The following CDH23 variants were observed in gnomAD, a reference collection of about 807,000 sequenced individuals.
CDH23 encodes cadherin-23.
A neutral mutation model predicts 317.1 loss-of-function variants in CDH23; 189 were observed. The ratio of observed to expected loss-of-function variants is 0.60; its 90% confidence interval spans 0.53 to 0.67. The LOEUF (loss-of-function observed/expected upper bound fraction) is 0.67. Among genes scored for constraint, CDH23 ranks in the 30% least tolerant of loss-of-function variants. The pLI is 0.00. For missense variants in CDH23, 4,401 were observed against 4,592.4 expected (o/e 0.96, Z 1.20); for synonymous variants, 1,839 against 1,876.8 (o/e 0.98, Z 0.52).
intron 11 of CDH23, among the ~76,000 whole-genome samples, chr10:71,622,690 G>A (rs1427319701): frequency 6.6e-6 from 1 of 152,216 alleles, no homozygotes; most frequent in Non-Finnish European, 1.5e-5. Flanking sequence ...AATACCATTT[G>A]CGGATGTCCT....
rs1328633540 is a variant in CDH23 at position 71,799,626 on chromosome 10, C to T, written c.7359C>T (p.Thr2453=). The part of the protein sequence containing the change: ...DGESKFAINP[T]TGDIYVLSSL... ...AGAGCAAGTTTGCCATCAACCCCAC[C>T]ACGGTGAGCAGTGATGGAGGGCCTG... Residue 2453 remains threonine, a synonymous_variant, in exon 52 of 70, where the codon ACC becomes ACT. Coordinates refer to ENST00000224721, the MANE Select transcript of CDH23 (RefSeq NM_022124.6). The T allele has an allele frequency of 1.2e-6, 2 of 1,614,060 alleles. No homozygotes were observed. Among genetic ancestry groups the T allele is most frequent in the Admixed American group, 1.7e-5 (1 of 60,028 alleles).
chr10:71,585,245 C>T (rs775512397), intron 9 of CDH23, among the ~76,000 whole-genome samples: 2 of 152,150 alleles, frequency 1.3e-5, no homozygotes, highest in Non-Finnish European at 2.9e-5. Flanking sequence ...GTCTAGGTTT[C>T]TCGGATCATG....
At chr10:71,732,864 T>C (rs7082137) in intron 32 of CDH23, 127,710 of 245,282 alleles carry the variant, frequency 0.52, 36,162 homozygotes, top group Non-Finnish European at 0.6. Flanking sequence ...CTGGGAATCC[T>C]ATAGTTTGAT....
intron 44 of CDH23, among the ~76,000 whole-genome samples, chr10:71,786,551 G>A (rs1836554852): frequency 6.8e-6 from 1 of 146,296 alleles, no homozygotes; most frequent in African/African-American, 2.6e-5. Context: ...GTGTGCAGTG[G>A]TGCAATCGTG....
In CDH23 at chr10:71,693,389, G is replaced by GGCGAAC. The variant is rs1488004451; in HGVS notation, c.2177-757_2177-752dup. Among the ~76,000 whole-genome samples, 7 of 152,162 alleles carry GGCGAAC rather than the reference G, an allele frequency of 4.6e-5. No individual in the cohort carries two copies. In the South Asian group the frequency reaches 1.0e-3, roughly 23 times the overall value. On this transcript the variant is annotated intron_variant, in intron 20 of 69. Coordinates refer to ENST00000224721, the MANE Select transcript of CDH23 (RefSeq NM_022124.6). Reference sequence around the variant, plus strand: ...AAAATACAAAGAAAGACCAAATACAGGCGAACAAGAAATGTTGTTTAATTG... The same window carrying GGCGAAC: ...AAAATACAAAGAAAGACCAAATACAGGCGAACGCGAACAAGAAATGTTGTTTAATTG...
intron 28 of CDH23, among the ~76,000 whole-genome samples, chr10:71,719,291 G>T (rs762853495): frequency 1.3e-4 from 20 of 152,132 alleles, no homozygotes; most frequent in Non-Finnish European, 2.6e-4. Flanking sequence ...CCGGACCAAG[G>T]CCAGGAATCA....
chr10:71,462,267 T>G (rs952293292), intron 3 of CDH23, among the ~76,000 whole-genome samples: 1 of 152,232 alleles, frequency 6.6e-6, no homozygotes, highest in Non-Finnish European at 1.5e-5. Context: ...GGTGCAGCAG[T>G]GGACATAATT....
At chr10:71,569,861 T>C (rs1857660906) in intron 7 of CDH23, among the ~76,000 whole-genome samples, 1 of 152,022 alleles carries the variant, frequency 6.6e-6, no homozygotes, top group East Asian at 1.9e-4. Context: ...GAAGATAGAT[T>C]TGGAGTTTTC....
Position 71,520,648 on chromosome 10 carries a change from CA to C in CDH23, c.429+9439del, listed in dbSNP as rs1854618967. On this transcript the variant is annotated intron_variant, in intron 6 of 69. Transcript: ENST00000224721. ...GGGTGCTCCCCTCTGGGCAGCTCCC[CA>C]AACCCCATGAGCAGTAGGCCCGGAC... Among the ~76,000 whole-genome samples the C allele has an allele frequency of 3.3e-5, 5 of 152,262 alleles. 1 individual carries two copies. Among genetic ancestry groups the C allele is most frequent in the Admixed American group, 3.3e-4 (5 of 15,288 alleles).
At chr10:71,403,399 C>CTT (rs1405096526) in intron 1 of CDH23, among the ~76,000 whole-genome samples, 1 of 88,610 alleles carries the variant, frequency 1.1e-5, no homozygotes, top group Non-Finnish European at 2.1e-5. Flanking sequence ...TTCTTTCTTT[C>CTT]TTTCTTTCTC....
At chr10:71,615,450 C>A in intron 9 of CDH23, 54 bp from the exon 10 acceptor site, 1 of 1,148,196 alleles carries the variant, frequency 8.7e-7, no homozygotes, top group Non-Finnish European at 1.3e-6. Flanking sequence ...GCCCCCAGCT[C>A]CATGCCCCCC....
intron 14 of CDH23, among the ~76,000 whole-genome samples, chr10:71,667,841 G>A (rs1347682610): frequency 6.6e-6 from 1 of 152,132 alleles, no homozygotes; most frequent in East Asian, 1.9e-4. Context: ...AGCACCAGAG[G>A]GCCGGGAGCT....
intron 6 of CDH23, among the ~76,000 whole-genome samples, chr10:71,534,187 C>T (rs912805290): frequency 1.8e-4 from 27 of 152,260 alleles, no homozygotes; most frequent in Non-Finnish European, 3.7e-4. Context: ...CAGCATATTT[C>T]CAGCCCACCC....
chr10:71,627,616 C>A (rs1044663462), intron 11 of CDH23, among the ~76,000 whole-genome samples: 1 of 152,296 alleles, frequency 6.6e-6, no homozygotes, highest in Middle Eastern at 3.4e-3. Context: ...TACCAGTGCC[C>A]ACCCCTCACC....
chr10:71,456,298 C>T (rs1850691922), intron 3 of CDH23, among the ~76,000 whole-genome samples: 1 of 151,594 alleles, frequency 6.6e-6, no homozygotes, highest in African/African-American at 2.4e-5. Flanking sequence ...TTTTCTCTCC[C>T]TTCTAGGAGT....
At position 71,810,602 on chromosome 10, in the gene CDH23, T is replaced by A. The variant is rs774888997; in HGVS notation, c.9077+33T>A. On this transcript the variant is annotated intron_variant, in intron 62 of 69. Transcript: ENST00000224721. The stretch of plus-strand genomic sequence containing the variant: ...GGGGCCTGTGTTTGGACTGTCAGCC[T>A]GTCTGTCTGCCTGCCTCCCTGCCCT... The A allele has an allele frequency of 2.3e-5, 37 of 1,598,738 alleles. No individual in the cohort carries two copies. In the South Asian group the frequency reaches 3.9e-4, roughly 17 times the overall value.
At chr10:71,538,273 A>G (rs1242669600) in intron 6 of CDH23, among the ~76,000 whole-genome samples, 3 of 152,052 alleles carry the variant, frequency 2.0e-5, no homozygotes, top group African/African-American at 7.2e-5. Context: ...TGTGTTAATA[A>G]CTCGCCACCA....
At chr10:71,712,399 G>A in intron 27 of CDH23, 1 of 407,116 alleles carries the variant, frequency 2.5e-6, no homozygotes, top group Non-Finnish European at 4.5e-6. Flanking sequence ...TCTGTAAAAT[G>A]GGGATGACAG....
chr10:71,692,044 G>T (rs1293677431), intron 20 of CDH23, among the ~76,000 whole-genome samples: 1 of 152,146 alleles, frequency 6.6e-6, no homozygotes, highest in Non-Finnish European at 1.5e-5. Context: ...GTCATGAATG[G>T]ATATGAACCA....
Sources: allele counts gnomAD v4.1 joint callset (sites outside exome capture counted in the v4.1 genomes callset), GRCh38; gene constraint gnomAD v4.1.1; transcripts MANE v1.5; gene names NCBI Gene and HGNC (gene_info 2026-07-23, HGNC 2026-07-21).